Variants in SLC36A1 observed in about 807,000 individuals in gnomAD.
SLC36A1 encodes proton-coupled amino acid transporter 1.
SLC36A1 carries 30 observed loss-of-function variants against 47.5 expected under a neutral mutation model. The observed-to-expected ratio is 0.63, with a 90% CI of 0.47 to 0.86. The LOEUF (loss-of-function observed/expected upper bound fraction) is 0.86. Ranked by LOEUF, SLC36A1 falls within the 40% of genes least tolerant of loss-of-function variation. The pLI is 0.00. For synonymous variants in SLC36A1, 255 were observed against 249.7 expected (o/e 1.02, Z -0.20); for missense variants, 517 against 606.0 (o/e 0.85, Z 1.54).
the SLC36A1 span, among the ~76,000 whole-genome samples, chr5:151,430,375 C>A: frequency 9.0e-5 from 13 of 145,070 alleles, no homozygotes; most frequent in Non-Finnish European, 1.5e-4. Context: ...GTCACCCAGG[C>A]TGCAGTAGCG....
At chr5:151,529,292 C>CA in the SLC36A1 span, 1 of 1,614,082 alleles carries the variant, frequency 6.2e-7, no homozygotes, top group Admixed American at 1.7e-5. Flanking sequence ...TGACTGTGGT[C>CA]ACGTCACTGA....
chr5:151,414,399 A>G, the SLC36A1 span, among the ~76,000 whole-genome samples: 3 of 152,190 alleles, frequency 2.0e-5, no homozygotes, highest in African/African-American at 7.2e-5. Flanking sequence ...GAGAGAAGTA[A>G]AAGATCAGGC....
the SLC36A1 span, among the ~76,000 whole-genome samples, chr5:151,367,614 G>A: frequency 4.6e-5 from 7 of 152,098 alleles, no homozygotes; most frequent in South Asian, 1.2e-3. Context: ...CAATCAATTT[G>A]TACAGTTAAC....
intron 8 of SLC36A1, among the ~76,000 whole-genome samples, chr5:151,476,052 T>C (rs1758010019): frequency 6.6e-6 from 1 of 152,268 alleles, no homozygotes; most frequent in African/African-American, 2.4e-5. Flanking sequence ...CACCCATGTC[T>C]TGAGATCCTC....
chr5:151,381,556 A>G, the SLC36A1 span, among the ~76,000 whole-genome samples: 1 of 152,212 alleles, frequency 6.6e-6, no homozygotes, highest in Non-Finnish European at 1.5e-5. Flanking sequence ...ATTATGGTTT[A>G]AGAGTCATGC....
chr5:151,402,245 T>A, the SLC36A1 span, among the ~76,000 whole-genome samples: 1 of 152,202 alleles, frequency 6.6e-6, no homozygotes, highest in Non-Finnish European at 1.5e-5. Context: ...ATCGAGATGA[T>A]CATATGTTTT....
At chr5:151,403,125 T>G in the SLC36A1 span, among the ~76,000 whole-genome samples, 1 of 152,196 alleles carries the variant, frequency 6.6e-6, no homozygotes, top group Non-Finnish European at 1.5e-5. Context: ...TCTTTCTAGC[T>G]TCTTGGTGTA....
the SLC36A1 span, among the ~76,000 whole-genome samples, chr5:151,539,794 A>G: frequency 2.6e-5 from 4 of 152,360 alleles, no homozygotes; most frequent in South Asian, 8.3e-4. Flanking sequence ...CTCTCCTGAC[A>G]AACACACATA....
chr5:151,373,332 C>T, the SLC36A1 span, among the ~76,000 whole-genome samples: 8 of 152,034 alleles, frequency 5.3e-5, no homozygotes, highest in South Asian at 1.5e-3. Context: ...CACACACACA[C>T]ACCTGCCTAG....
At chr5:151,542,173 G>A in the SLC36A1 span, 1 of 1,027,620 alleles carries the variant, frequency 9.7e-7, no homozygotes, top group Non-Finnish European at 1.4e-6. Flanking sequence ...TGTGCCCAAG[G>A]TCACACTGCT....
At chr5:151,469,285 G>C (rs1182408436) in intron 7 of SLC36A1, 5 of 692,178 alleles carry the variant, frequency 7.2e-6, no homozygotes, top group Non-Finnish European at 1.1e-5. Context: ...AGTATATTGA[G>C]AAATACATTG....
At chr5:151,514,032 T>C in the SLC36A1 span, among the ~76,000 whole-genome samples, 11,486 of 152,270 alleles carry the variant, frequency 0.075, 597 homozygotes, top group African/African-American at 0.15. Flanking sequence ...AATACTTTTC[T>C]GGTCACTTTG....
At chr5:151,545,900 T>C in the SLC36A1 span, 1 of 1,614,228 alleles carries the variant, frequency 6.2e-7, no homozygotes, top group Non-Finnish European at 8.5e-7. Flanking sequence ...ACCACCACCA[T>C]GACATCAGTA....
At chr5:151,406,979 A>G in the SLC36A1 span, among the ~76,000 whole-genome samples, 18 of 152,108 alleles carry the variant, frequency 1.2e-4, no homozygotes, top group Admixed American at 2.6e-4. Flanking sequence ...TGACTTCAGG[A>G]GTGAAGCTGC....
At chr5:151,538,098 G>C in the SLC36A1 span, 1 of 580,050 alleles carries the variant, frequency 1.7e-6, no homozygotes, top group Non-Finnish European at 3.0e-6. Context: ...CAGAGACAGA[G>C]AGAGAGAAAG....
chr5:151,388,976 A>AC, the SLC36A1 span, among the ~76,000 whole-genome samples: 2 of 152,082 alleles, frequency 1.3e-5, no homozygotes, highest in Non-Finnish European at 2.9e-5. Flanking sequence ...TAGAAAAAAA[A>AC]CCCCACTGCT....
the SLC36A1 span, among the ~76,000 whole-genome samples, chr5:151,392,784 T>C: frequency 4.6e-5 from 7 of 152,322 alleles, no homozygotes; most frequent in South Asian, 2.1e-4. Flanking sequence ...TTATAATTTC[T>C]GTTCTTTTAC....
the SLC36A1 span, among the ~76,000 whole-genome samples, chr5:151,348,319 T>C: frequency 0.54 from 82,219 of 151,984 alleles, 25,170 homozygotes; most frequent in African/African-American, 0.85. Flanking sequence ...CAGCTAAAGA[T>C]GGTCTTGGGC....
the SLC36A1 span, among the ~76,000 whole-genome samples, chr5:151,399,084 ATTTT>A: frequency 0.011 from 673 of 59,992 alleles, 12 homozygotes; most frequent in African/African-American, 0.035. Context: ...ATATATATAT[ATTTT>A]TTTTTTTTTT....
Sources: gnomAD v4.1 joint callset for allele counts (sites outside exome capture counted in the v4.1 genomes callset) on GRCh38, gnomAD v4.1.1 for gene constraint, MANE v1.5 for transcripts, NCBI Gene and HGNC (gene_info 2026-07-23, HGNC 2026-07-21) for gene names.